Variants in STON2 observed in about 807,000 individuals in gnomAD.
STON2 encodes the protein stonin-2.
Under a neutral mutation model 65.7 loss-of-function variants are expected in STON2, and 29 were observed. The observed-to-expected ratio is 0.44, with a 90% confidence interval of 0.33 to 0.60. The LOEUF (loss-of-function observed/expected upper bound fraction) is 0.60. STON2 is among the 20% of genes least tolerant of loss of function. STON2 has a pLI of 0.03. For synonymous variants in STON2, 404 were observed against 414.2 expected (o/e 0.98, Z 0.30); for missense variants, 1,054 against 1,118.1 (o/e 0.94, Z 0.82).
chr14:81,374,566 C>T (rs897746254), intron 3 of STON2, among the ~76,000 whole-genome samples: 6 of 151,702 alleles, frequency 4.0e-5, no homozygotes, highest in African/African-American at 1.2e-4. Context: ...ACTGTTTAAT[C>T]TGTTTAAGGA....
intron 4 of STON2, among the ~76,000 whole-genome samples, chr14:81,356,181 T>C (rs1347457931): frequency 3.3e-5 from 5 of 152,278 alleles, no homozygotes; most frequent in South Asian, 2.1e-4. Flanking sequence ...AGATACGTCC[T>C]ATCAATACCT....
At chr14:81,339,633 G>A (rs1345701040) in intron 4 of STON2, among the ~76,000 whole-genome samples, 1 of 152,162 alleles carries the variant, frequency 6.6e-6, no homozygotes, top group African/African-American at 2.4e-5. Context: ...CTTGTGACAG[G>A]GATGTCATGT....
At chr14:81,308,867 C>T (rs868179930) in intron 5 of STON2, among the ~76,000 whole-genome samples, 2 of 15,008 alleles carry the variant, frequency 1.3e-4, no homozygotes, top group South Asian at 2.3e-3. Flanking sequence ...TACATACATA[C>T]ATACATACAT....
At chr14:81,408,680 A>G (rs900380974) in intron 2 of STON2, among the ~76,000 whole-genome samples, 2 of 152,234 alleles carry the variant, frequency 1.3e-5, no homozygotes, top group Admixed American at 6.5e-5. Context: ...AAAATCAACA[A>G]TCCCTATGGC....
intron 3 of STON2, among the ~76,000 whole-genome samples, 177 bp from the exon 4 acceptor site, chr14:81,371,362 C>CT (rs1898985074): frequency 6.6e-6 from 1 of 152,134 alleles, no homozygotes; most frequent in Non-Finnish European, 1.5e-5. Flanking sequence ...AACTGACTGA[C>CT]TGAGACCCCA....
At chr14:81,308,824 A>ATG (rs1210133523) in intron 5 of STON2, among the ~76,000 whole-genome samples, 27 of 10,412 alleles carry the variant, frequency 2.6e-3, no homozygotes, top group South Asian at 7.8e-3. Flanking sequence ...ATATATATAT[A>ATG]TGTGTGTGTG....
At chr14:81,366,057 AT>A (rs1198382406) in intron 4 of STON2, among the ~76,000 whole-genome samples, 1 of 152,192 alleles carries the variant, frequency 6.6e-6, no homozygotes, top group African/African-American at 2.4e-5. Flanking sequence ...GATTTTGCCT[AT>A]TAACAATTCT....
At chr14:81,295,627 G>T (rs1243441052) in intron 5 of STON2, among the ~76,000 whole-genome samples, 1 of 152,192 alleles carries the variant, frequency 6.6e-6, no homozygotes, top group Non-Finnish European at 1.5e-5. Context: ...CAAGTGACTT[G>T]TCCCCCACTG....
chr14:81,344,056 A>C (rs1200237216), intron 4 of STON2, among the ~76,000 whole-genome samples: 1 of 151,978 alleles, frequency 6.6e-6, no homozygotes, highest in Non-Finnish European at 1.5e-5. Context: ...TTTCATACGG[A>C]AAAGACAGAA....
chr14:81,362,781 AT>A (rs1009055322), intron 4 of STON2, among the ~76,000 whole-genome samples: 2 of 152,212 alleles, frequency 1.3e-5, no homozygotes, highest in African/African-American at 4.8e-5. Context: ...TAATTTAAAA[AT>A]TTTAAATTTA....
chr14:81,322,429 C>A (rs1034353929), intron 5 of STON2, among the ~76,000 whole-genome samples: 1 of 152,168 alleles, frequency 6.6e-6, no homozygotes, highest in Non-Finnish European at 1.5e-5. Flanking sequence ...TTCCTACCCC[C>A]ACTTCTTGCT....
At chr14:81,307,483 G>A (rs1487855645) in intron 5 of STON2, among the ~76,000 whole-genome samples, 1 of 152,210 alleles carries the variant, frequency 6.6e-6, no homozygotes, top group Admixed American at 6.5e-5. Flanking sequence ...CAGAGTTAGA[G>A]AAATCTGGAA....
chr14:81,378,724 A>G (rs1178376924), intron 3 of STON2, among the ~76,000 whole-genome samples: 2 of 152,248 alleles, frequency 1.3e-5, no homozygotes. Flanking sequence ...CTACTCAAGA[A>G]CTATTTTTAG....
chr14:81,371,227 T>C (rs79054911), intron 3 of STON2, 42 bp from the exon 4 acceptor site: 51 of 1,567,870 alleles, frequency 3.3e-5, no homozygotes, highest in South Asian at 4.5e-5. Context: ...ATATAAATAG[T>C]TGTACTTTGT....
At chr14:81,335,421 T>C (rs1334836714) in intron 4 of STON2, among the ~76,000 whole-genome samples, 1 of 152,206 alleles carries the variant, frequency 6.6e-6, no homozygotes, top group Non-Finnish European at 1.5e-5. Flanking sequence ...GTCATTTCCA[T>C]CTAATGAAAT....
intron 4 of STON2, among the ~76,000 whole-genome samples, chr14:81,361,512 G>C (rs1053929320): frequency 1.3e-5 from 2 of 151,926 alleles, no homozygotes; most frequent in Non-Finnish European, 2.9e-5. Context: ...ATGGATTAAA[G>C]GTTTAAACAT....
intron 2 of STON2, among the ~76,000 whole-genome samples, chr14:81,422,714 G>A (rs1400526872): frequency 2.0e-5 from 3 of 152,230 alleles, no homozygotes; most frequent in South Asian, 2.1e-4. Flanking sequence ...GTAAGTGCAC[G>A]GGTTTCTGTG....
At chr14:81,394,896 T>C (rs7160907) in intron 3 of STON2, 37,502 of 152,018 alleles carry the variant, frequency 0.25, 6,646 homozygotes, top group African/African-American at 0.49. Context: ...ATGATAAACT[T>C]ATGTTGTTCA....
intron 4 of STON2, among the ~76,000 whole-genome samples, chr14:81,367,784 A>T (rs1005043161): frequency 6.6e-6 from 1 of 152,040 alleles, no homozygotes; most frequent in African/African-American, 2.4e-5. Flanking sequence ...GAGATATACT[A>T]CCTGTCACCT....
Sources: allele counts gnomAD v4.1 joint callset (sites outside exome capture counted in the v4.1 genomes callset), GRCh38; gene constraint gnomAD v4.1.1; transcripts MANE v1.5; gene names NCBI Gene and HGNC (gene_info 2026-07-23, HGNC 2026-07-21).